The following LDLRAD3 variants were observed in gnomAD, a reference collection of about 807,000 sequenced individuals.
LDLRAD3 encodes low-density lipoprotein receptor class A domain-containing protein 3.
LDLRAD3 carries 20 observed loss-of-function variants against 29.4 expected under a neutral mutation model. The observed-to-expected ratio is 0.68, with a 90% CI of 0.48 to 0.99. The LOEUF (loss-of-function observed/expected upper bound fraction) is 0.99, where lower values mean the gene tolerates loss of function less well. Ranked by LOEUF, LDLRAD3 falls within the 50% of genes least tolerant of loss-of-function variation. LDLRAD3 has a pLI of 0.00. For synonymous variants in LDLRAD3, 157 were observed against 192.7 expected (o/e 0.81, Z 1.53); for missense variants, 420 against 454.3 (o/e 0.92, Z 0.69).
chr11:36,075,968 T>C (rs530462891), intron 2 of LDLRAD3, among the ~76,000 whole-genome samples: 1 of 152,338 alleles, frequency 6.6e-6, no homozygotes, highest in Admixed American at 6.5e-5. Context: ...TTGACACTTC[T>C]GGCAACAGAA....
intron 2 of LDLRAD3, among the ~76,000 whole-genome samples, chr11:36,054,711 G>GTGGATGGATGGA (rs71044545): frequency 0.099 from 14,524 of 146,138 alleles, 847 homozygotes; most frequent in Admixed American, 0.15. Context: ...GGATGGGTGG[G>GTGGATGGATGGA]TGGATGGATG....
chr11:36,105,238 T>TGTGA lies in LDLRAD3; in HGVS notation c.454+6778_454+6779insTGAG, dbSNP rs1343780985. The stretch of plus-strand genomic sequence containing the variant: ...GTGTGTGTGTGTGTGTGTGTGTGTG[T>TGTGA]GAGAGAGAGAGAGAGAGAGAGAGAA... On this transcript the variant is annotated intron_variant, in intron 4 of 5. Transcript: ENST00000315571. Among the ~76,000 whole-genome samples the TGTGA allele has an allele frequency of 2.2e-3, 286 of 128,418 alleles. 2 individuals are homozygous for TGTGA. Among genetic ancestry groups the TGTGA allele is most frequent in the Non-Finnish European group, 2.7e-3 (167 of 60,982 alleles). The allele number at this position is 128,418 out of a possible 152,430, so 84.2% of individuals were successfully genotyped here. A position where few individuals can be genotyped will look rare whatever the true frequency, so the allele number is the denominator to read the frequency against.
At chr11:36,004,990 A>G (rs894061353) in intron 1 of LDLRAD3, among the ~76,000 whole-genome samples, 4 of 151,648 alleles carry the variant, frequency 2.6e-5, no homozygotes, top group Non-Finnish European at 4.4e-5. Flanking sequence ...TCACAAAACC[A>G]TTTTTCCCTC....
At chr11:35,986,288 G>A (rs1205152814) in intron 1 of LDLRAD3, among the ~76,000 whole-genome samples, 1 of 152,118 alleles carries the variant, frequency 6.6e-6, no homozygotes, top group Non-Finnish European at 1.5e-5. Flanking sequence ...AATTTATTTC[G>A]TTTTATTTTT....
intron 1 of LDLRAD3, among the ~76,000 whole-genome samples, chr11:35,949,860 A>T (rs1160270754): frequency 6.6e-6 from 1 of 152,244 alleles, no homozygotes; most frequent in Non-Finnish European, 1.5e-5. Context: ...GGAGAAATGC[A>T]CATTGTTTCA....
chr11:36,114,221 A>G (rs746099928), intron 4 of LDLRAD3, among the ~76,000 whole-genome samples: 1 of 152,180 alleles, frequency 6.6e-6, no homozygotes, highest in Non-Finnish European at 1.5e-5. Context: ...GAGTGACATC[A>G]GTTCACACAG....
At position 36,098,120 on chromosome 11, in the gene LDLRAD3, AC is replaced by A. The variant is rs575503400; in HGVS notation, c.320-202del. Among the ~76,000 whole-genome samples, 741 of 152,038 alleles carry A rather than the reference AC, an allele frequency of 4.9e-3. 3 individuals carry two copies. The highest frequency in any genetic ancestry group is 9.2e-3 in the Non-Finnish European group (626 of 67,960). ...ACCAGAGTGGCAGATCTCTCCAAAGACCCCCAGGAGGTTTTAGAATGAGGCA... is the reference window on the plus strand; with the variant it reads ...ACCAGAGTGGCAGATCTCTCCAAAGACCCCAGGAGGTTTTAGAATGAGGCA... On this transcript the variant is annotated intron_variant, in intron 3 of 5. Transcript: ENST00000315571.
At chr11:36,045,387 G>A (rs1363309988) in intron 2 of LDLRAD3, among the ~76,000 whole-genome samples, 1 of 152,212 alleles carries the variant, frequency 6.6e-6, no homozygotes, top group African/African-American at 2.4e-5. Context: ...CACAAACTGG[G>A]TGGCTTAGAA....
chr11:35,990,119 G>A (rs939754149), intron 1 of LDLRAD3, among the ~76,000 whole-genome samples: 12 of 152,194 alleles, frequency 7.9e-5, no homozygotes, highest in African/African-American at 2.6e-4. Flanking sequence ...CACCTATAAA[G>A]GCATGGGGGG....
intron 2 of LDLRAD3, among the ~76,000 whole-genome samples, chr11:36,054,970 C>CATGG (rs147422335): frequency 1.1e-3 from 92 of 87,402 alleles, no homozygotes; most frequent in South Asian, 2.7e-3. Context: ...TGGATGGATG[C>CATGG]ATGGATGGAT....
chr11:36,104,539 C>T (rs1298734478), intron 4 of LDLRAD3, among the ~76,000 whole-genome samples: 2 of 152,028 alleles, frequency 1.3e-5, no homozygotes, highest in Non-Finnish European at 2.9e-5. Context: ...TCACAGTGAT[C>T]GGTGAAACCT....
intron 1 of LDLRAD3, among the ~76,000 whole-genome samples, chr11:35,991,089 A>G (rs1382344765): frequency 1.3e-5 from 2 of 152,234 alleles, no homozygotes; most frequent in Non-Finnish European, 2.9e-5. Flanking sequence ...AGGCTATCGT[A>G]TCAATAAAAC....
At chr11:36,036,281 T>C (rs1307984300) in intron 2 of LDLRAD3, 32 bp downstream of exon 2, 1 of 1,613,040 alleles carries the variant, frequency 6.2e-7, no homozygotes, top group Admixed American at 1.7e-5. Flanking sequence ...TGGGGTGGGG[T>C]GGCAGCCATC....
rs571723023 is a variant in LDLRAD3 at position 36,047,452 on chromosome 11, G to A, written c.193+11203G>A. On this transcript the variant is annotated intron_variant, in intron 2 of 5. Coordinates refer to ENST00000315571, the MANE Select transcript of LDLRAD3 (RefSeq NM_174902.4). ...ACACAGTGTCCTAATTTAATTGGCA[G>A]AGTTGTTTCTTTCTTAGTTGTACAT... is the stretch of plus-strand genomic sequence containing the variant. Among the ~76,000 whole-genome samples the A allele has an allele frequency of 1.3e-4, 20 of 152,264 alleles. No individual in the cohort carries two copies. In the East Asian group the frequency reaches 3.7e-3, roughly 28 times the overall value.
chr11:36,033,568 G>A (rs1422714214), intron 1 of LDLRAD3, among the ~76,000 whole-genome samples: 1 of 152,226 alleles, frequency 6.6e-6, no homozygotes, highest in Non-Finnish European at 1.5e-5. Context: ...CTCTACAAAT[G>A]CAAGTGTAAG....
At chr11:35,969,550 A>G (rs1364007462) in intron 1 of LDLRAD3, among the ~76,000 whole-genome samples, 1 of 152,154 alleles carries the variant, frequency 6.6e-6, no homozygotes, top group African/African-American at 2.4e-5. Context: ...CCCATGATTT[A>G]TTAATCACTT....
intron 1 of LDLRAD3, among the ~76,000 whole-genome samples, chr11:35,987,138 G>A (rs993599930): frequency 2.0e-5 from 3 of 152,208 alleles, no homozygotes; most frequent in African/African-American, 4.8e-5. Context: ...CTGTGGTGGA[G>A]GTGGGTCAAG....
Position 36,231,303 on chromosome 11 carries a change from G to C in LDLRAD3, c.*1906G>C, listed in dbSNP as rs1018681587. 6 of 150,402 alleles carry C rather than the reference G, an allele frequency of 4.0e-5. No individual in the cohort carries two copies. The highest frequency in any genetic ancestry group is 1.5e-4 in the African/African-American group (6 of 40,760). The allele number at this position is 150,402 out of a possible 1,614,324, so 9.3% of individuals were successfully genotyped here. On this transcript the variant is annotated 3_prime_UTR_variant, in exon 6 of 6. Coordinates refer to ENST00000315571, the MANE Select transcript of LDLRAD3 (RefSeq NM_174902.4). ...ATTTTGTTTTGTTTAAAAAAAAAAA[G>C]AAAGAAAGAAAGAAAGAAAAACGGA...
chr11:36,096,963 C>G (rs966404754), intron 3 of LDLRAD3, among the ~76,000 whole-genome samples: 4 of 152,182 alleles, frequency 2.6e-5, no homozygotes, highest in African/African-American at 9.7e-5. Flanking sequence ...GAAAACAGAG[C>G]CCTGGAATGA....
Sources: allele counts gnomAD v4.1 joint callset (sites outside exome capture counted in the v4.1 genomes callset), GRCh38; gene constraint gnomAD v4.1.1; transcripts MANE v1.5; gene names NCBI Gene and HGNC (gene_info 2026-07-23, HGNC 2026-07-21).